Variants in THRA observed in about 807,000 individuals in gnomAD.
The protein encoded by THRA is thyroid hormone receptor alpha.
THRA carries 13 observed loss-of-function variants against 45.0 expected under a neutral mutation model. The observed-to-expected ratio is 0.29, with a 90% CI of 0.19 to 0.46. THRA has a LOEUF of 0.46. Among genes scored for constraint, THRA ranks in the 20% least tolerant of loss-of-function variants. The pLI is 1.00. For synonymous variants in THRA, 195 were observed against 214.0 expected (o/e 0.91, Z 0.78); for missense variants, 278 against 556.1 (o/e 0.50, Z 5.03).
At chr17:40,062,494 A>G (rs1986388709), upstream of THRA, 2 of 152,064 alleles carry the variant, frequency 1.3e-5, no homozygotes, top group Admixed American at 1.3e-4. Flanking sequence ...CCGAACTCCC[A>G]AACAAACTAC....
At chr17:40,086,361 T>C (rs1183900146) in intron 6 of THRA, among the ~76,000 whole-genome samples, 1 of 152,230 alleles carries the variant, frequency 6.6e-6, no homozygotes, top group Non-Finnish European at 1.5e-5. Context: ...CATGCCTCAG[T>C]TTCCACATCT....
rs1948822241 is a variant in THRA, at chr17:40,090,131, C to T, written c.*675C>T. 1.5e-6 allele frequency: 1 copy of T among 666,624 alleles called. No individual in the cohort carries two copies. The highest frequency in any genetic ancestry group is 1.4e-4 in the East Asian group (1 of 7,282). 41.3% of individuals were successfully genotyped at this position (666,624 alleles called of 1,614,324 possible). A position where few individuals can be genotyped will look rare whatever the true frequency, so the allele number is the denominator to read the frequency against. On this transcript the variant is annotated 3_prime_UTR_variant, in exon 9 of 9. Transcript: ENST00000450525. ...AGAGGGGAGGACCCCCCCTTTACCACCCCATGCACTTTGCGAGCTGCCCCT... is the reference window on the plus strand; with the variant it reads ...AGAGGGGAGGACCCCCCCTTTACCATCCCATGCACTTTGCGAGCTGCCCCT...
chr17:40,085,277 G>A (rs770398898), intron 6 of THRA, among the ~76,000 whole-genome samples: 5 of 152,164 alleles, frequency 3.3e-5, no homozygotes, highest in African/African-American at 9.6e-5. Flanking sequence ...TGGGAGGATC[G>A]CTTGAGCCCA....
Position 40,089,147 on chromosome 17 carries a change from C to G in THRA, c.983-59C>G, listed in dbSNP as rs1598398594. ...TCTTCCCACGTCCCCACACCTCACCCTCCCCATCTCCAGGCCTTCGGCCAG... is the reference window on the plus strand; with the variant it reads ...TCTTCCCACGTCCCCACACCTCACCGTCCCCATCTCCAGGCCTTCGGCCAG... On this transcript the variant is annotated intron_variant, in intron 8 of 8. Transcript: ENST00000450525. This position sits in a 1 kb window ranked among gnomAD's most constrained non-coding sequence, Gnocchi z 6.1. The G allele has an allele frequency of 1.9e-6, 3 of 1,552,876 alleles. No homozygotes were observed. The highest frequency in any genetic ancestry group is 2.6e-6 in the Non-Finnish European group (3 of 1,133,554).
Position 40,089,467 on chromosome 17 carries a change from G to A in THRA, c.*11G>A, listed in dbSNP as rs762110365. Reference sequence around the variant, plus strand: ...GATCAGGAAGTCTAAAGCCTCAGGCGGCCAGAGGGTGTGCGGAGCTGGTGG... The same window carrying A: ...GATCAGGAAGTCTAAAGCCTCAGGCAGCCAGAGGGTGTGCGGAGCTGGTGG... On this transcript the variant is annotated 3_prime_UTR_variant, in exon 9 of 9. Transcript: ENST00000450525. This position sits in a 1 kb window ranked among gnomAD's most constrained non-coding sequence, Gnocchi z 6.1. 49 of 1,613,284 alleles carry A rather than the reference G, an allele frequency of 3.0e-5. No homozygotes were observed. The highest frequency in any genetic ancestry group is 4.5e-5 in the East Asian group (2 of 44,872).
intron 1 of THRA, among the ~76,000 whole-genome samples, chr17:40,067,142 C>G (rs1239852563): frequency 6.6e-6 from 1 of 152,126 alleles, no homozygotes; most frequent in East Asian, 1.9e-4. Context: ...ATTTTTGCAG[C>G]CTGGAATGAG....
chr17:40,083,898 T>A lies in THRA; in HGVS notation c.286T>A (p.Cys96Ser). ...HPTYSCKYDS[C>S]CVIDKITRNQ... ...CACCTATTCCTGCAAATATGACAGCTGCTGTGTCATTGACAAGATCACCCG... is the reference window on the plus strand; with the variant it reads ...CACCTATTCCTGCAAATATGACAGCAGCTGTGTCATTGACAAGATCACCCG... The change falls in exon 5 of 9, where the codon TGC (cysteine) becomes AGC (serine). Residue 96 changes from cysteine (C) to serine (S), a missense_variant. By Grantham distance (112) the Cys-to-Ser change is moderately radical. Transcript: ENST00000450525. 1 of 1,614,030 alleles carries A rather than the reference T, an allele frequency of 6.2e-7. No individual in the cohort carries two copies. Among genetic ancestry groups the A allele is most frequent in the Non-Finnish European group, 8.5e-7 (1 of 1,179,914 alleles).
intron 6 of THRA, among the ~76,000 whole-genome samples, chr17:40,085,072 C>G (rs762636219): frequency 6.6e-6 from 1 of 152,184 alleles, no homozygotes; most frequent in African/African-American, 2.4e-5. Context: ...GCGGGAGCGA[C>G]CTTTCTTCTT....
At chr17:40,080,700 G>A (rs1488882258) in intron 4 of THRA, among the ~76,000 whole-genome samples, 1 of 150,038 alleles carries the variant, frequency 6.7e-6, no homozygotes, top group African/African-American at 2.4e-5. Flanking sequence ...TGTATCTTTG[G>A]TAGGTGCCTT....
chr17:40,069,682 C>T (rs1016754440), intron 1 of THRA, among the ~76,000 whole-genome samples: 1 of 152,002 alleles, frequency 6.6e-6, no homozygotes, highest in Non-Finnish European at 1.5e-5. Flanking sequence ...TGCCTCCATT[C>T]CTGAGGGGAA....
At chr17:40,063,355 T>C (rs888316268) in intron 1 of THRA, among the ~76,000 whole-genome samples, 3 of 152,038 alleles carry the variant, frequency 2.0e-5, no homozygotes, top group Non-Finnish European at 2.9e-5. Flanking sequence ...AGCCTCCCCC[T>C]GGAGGGCCCG....
chr17:40,073,360 G>A (rs928001144), intron 1 of THRA, among the ~76,000 whole-genome samples: 2 of 152,160 alleles, frequency 1.3e-5, no homozygotes, highest in Non-Finnish European at 1.5e-5. Flanking sequence ...CAGGCTGTGA[G>A]GCTTATCCCA....
chr17:40,067,509 GA>G (rs1274169259), intron 1 of THRA, among the ~76,000 whole-genome samples: 1 of 152,240 alleles, frequency 6.6e-6, no homozygotes, highest in East Asian at 1.9e-4. Context: ...GTGGCAGAGA[GA>G]AACTGAAGCA....
In THRA at chr17:40,084,710, A is replaced by G; in HGVS notation, c.471A>G (p.Arg157=). ...KEEMIRSLQQ[R]PEPTPEEWDL... ...AGATGATCCGATCACTGCAGCAGCG[A>G]CCAGAGCCCACTCCTGAAGAGTGGG... Residue 157 remains arginine (R), a synonymous_variant, in exon 6 of 9, where the codon CGA becomes CGG. Coordinates refer to ENST00000450525, the MANE Select transcript of THRA (RefSeq NM_199334.5). 6.2e-7 allele frequency: 1 copy of G among 1,613,978 alleles called. No individual in the cohort carries two copies. The highest frequency in any genetic ancestry group is 8.5e-7 in the Non-Finnish European group (1 of 1,179,990).
At chr17:40,078,233 C>T (rs1987018925) in intron 4 of THRA, among the ~76,000 whole-genome samples, 1 of 152,194 alleles carries the variant, frequency 6.6e-6, no homozygotes, top group Non-Finnish European at 1.5e-5. Context: ...AATCCCAGCC[C>T]TTTGGGAGGG....
chr17:40,068,485 A>C (rs1986650706), intron 1 of THRA, among the ~76,000 whole-genome samples: 1 of 152,218 alleles, frequency 6.6e-6, no homozygotes, highest in South Asian at 2.1e-4. Context: ...CCTTGGTGTC[A>C]CTTGGCAGGC....
Position 40,092,540 on chromosome 17 carries a change from T to G in THRA, c.*3084T>G, listed in dbSNP as rs1987616510. On this transcript the variant is annotated 3_prime_UTR_variant, in exon 9 of 9. Coordinates refer to ENST00000450525, the MANE Select transcript of THRA (RefSeq NM_199334.5). ...ATTTTTCACCCCGTTGTGTTTTGGG[T>G]CAGGATTTTAAAGAAAGATATTTTT... The G allele has an allele frequency of 6.4e-6, 1 of 155,596 alleles. No individual in the cohort carries two copies. The highest frequency in any genetic ancestry group is 1.9e-4 in the South Asian group (1 of 5,288). 9.6% of individuals were successfully genotyped at this position (155,596 alleles called of 1,614,324 possible).
intron 7 of THRA, 126 bp from the exon 8 acceptor site, chr17:40,088,116 A>G: frequency 1.5e-6 from 2 of 1,324,484 alleles, no homozygotes; most frequent in Non-Finnish European, 1.0e-6. Context: ...GGCCCAATAC[A>G]AGGTCAGCCG....
At chr17:40,071,607 C>T (rs958231120) in intron 1 of THRA, among the ~76,000 whole-genome samples, 2 of 152,252 alleles carry the variant, frequency 1.3e-5, no homozygotes, top group Non-Finnish European at 2.9e-5. Context: ...GCTCCGCCCC[C>T]TCGGCCTCCT....
Sources: allele counts gnomAD v4.1 joint callset (sites outside exome capture counted in the v4.1 genomes callset), GRCh38; gene constraint gnomAD v4.1.1; non-coding constraint Gnocchi (gnomAD v3.1); transcripts MANE v1.5; gene names NCBI Gene and HGNC (gene_info 2026-07-23, HGNC 2026-07-21).